The following NRXN3 variants were observed in gnomAD, a reference collection of about 807,000 sequenced individuals.
NRXN3 encodes the protein neurexin III.
Under a neutral mutation model 137.6 loss-of-function variants are expected in NRXN3, and 32 were observed. The ratio of observed to expected loss-of-function variants is 0.23; its 90% CI spans 0.18 to 0.31. The LOEUF (loss-of-function observed/expected upper bound fraction) is 0.31. Ranked by LOEUF, NRXN3 falls within the 10% of genes least tolerant of loss-of-function variation. The pLI is 1.00. For missense variants in NRXN3, 1,574 were observed against 2,062.5 expected, an observed-to-expected ratio of 0.76 and a Z score of 4.59; for synonymous variants, 798 against 784.5, an observed-to-expected ratio of 1.02 and a Z score of -0.29.
At chr14:78,827,615 A>G (rs1438728335) in intron 10 of NRXN3, among the ~76,000 whole-genome samples, 4 of 152,260 alleles carry the variant, frequency 2.6e-5, no homozygotes, top group African/African-American at 9.6e-5. Flanking sequence ...CTGACAGGTC[A>G]TGCCATTTTC....
intron 15 of NRXN3, among the ~76,000 whole-genome samples, chr14:78,999,354 T>C (rs74334655): frequency 1.4e-3 from 216 of 152,310 alleles, no homozygotes; most frequent in African/African-American, 5.1e-3. Flanking sequence ...ACATGCTTAA[T>C]TTCATCAACT....
intron 4 of NRXN3, among the ~76,000 whole-genome samples, chr14:78,499,411 G>A (rs1122840): frequency 0.31 from 47,808 of 151,976 alleles, 8,665 homozygotes; most frequent in Admixed American, 0.39. Context: ...GCTGATAATC[G>A]GGGCCTCCCT....
intron 15 of NRXN3, among the ~76,000 whole-genome samples, chr14:79,335,932 A>G (rs1009690455): frequency 6.6e-6 from 1 of 151,898 alleles, no homozygotes; most frequent in African/African-American, 2.4e-5. Flanking sequence ...CATTATTTCT[A>G]CTCAAGTGGG....
chr14:78,217,022 C>A (rs1031194548), intron 1 of NRXN3, among the ~76,000 whole-genome samples: 1 of 152,200 alleles, frequency 6.6e-6, no homozygotes, highest in African/African-American at 2.4e-5. Context: ...TCTGTAAAGA[C>A]CCTATATTCA....
intron 16 of NRXN3, among the ~76,000 whole-genome samples, chr14:79,621,095 T>G (rs1353597930): frequency 6.6e-6 from 1 of 152,160 alleles, no homozygotes; most frequent in Non-Finnish European, 1.5e-5. Flanking sequence ...ACAAGTAATG[T>G]CAGCATTAGT....
At chr14:78,828,265 G>T (rs1321014410) in intron 10 of NRXN3, among the ~76,000 whole-genome samples, 1 of 152,198 alleles carries the variant, frequency 6.6e-6, no homozygotes, top group East Asian at 1.9e-4. Context: ...TGGAGAGAAT[G>T]TTGCTTCAAC....
At chr14:78,916,154 G>GT (rs770291821) in intron 10 of NRXN3, among the ~76,000 whole-genome samples, 2 of 152,162 alleles carry the variant, frequency 1.3e-5, no homozygotes, top group Admixed American at 1.3e-4. Context: ...AACTGGGACT[G>GT]TTTTTATCAC....
At chr14:79,130,233 C>G (rs1476624899) in intron 15 of NRXN3, among the ~76,000 whole-genome samples, 20 of 150,826 alleles carry the variant, frequency 1.3e-4, no homozygotes, top group African/African-American at 2.4e-4. Flanking sequence ...GATGTTAGCT[C>G]GTTATTTTGT....
intron 4 of NRXN3, among the ~76,000 whole-genome samples, chr14:78,440,656 G>C (rs899776816): frequency 1.3e-5 from 2 of 151,982 alleles, no homozygotes; most frequent in South Asian, 2.1e-4. Flanking sequence ...AACTATGTTC[G>C]TCCTGTAGGC....
At chr14:79,734,041 T>C (rs2098933540) in intron 19 of NRXN3, among the ~76,000 whole-genome samples, 1 of 152,196 alleles carries the variant, frequency 6.6e-6, no homozygotes, top group African/African-American at 2.4e-5. Flanking sequence ...GAGTCACTGA[T>C]GGTACCAATC....
chr14:79,178,284 A>G lies in NRXN3; in HGVS notation c.3262+190143A>G, dbSNP rs183939222. Among the ~76,000 whole-genome samples the G allele has an allele frequency of 4.5e-3, 678 of 152,326 alleles. 5 individuals are homozygous for G. Among genetic ancestry groups the G allele is most frequent in the Non-Finnish European group, 7.4e-3 (500 of 68,024 alleles). On this transcript the variant is annotated intron_variant, in intron 15 of 20. Coordinates refer to ENST00000335750, the MANE Select transcript of NRXN3 (RefSeq NM_001330195.2). ...TTTTTAAAAAAATTATGTAATGACC[A>G]TCTGTGGTTAAATGCTGAGCTCATT...
rs566889589 is a variant in NRXN3 at position 79,235,687 on chromosome 14, T to C, written c.3263-231534T>C. 3.9e-5 allele frequency among the ~76,000 whole-genome samples: 6 copies of C among 152,254 alleles called. No homozygotes were observed. The East Asian group carries it at 9.7e-4, about 25-fold the overall frequency. ...AAAATAATTATAGAAAGGAAAAGCA[T>C]AGATCAGGAGACAAGTAAAGACATA... is the stretch of plus-strand genomic sequence containing the variant. On this transcript the variant is annotated intron_variant, in intron 15 of 20. Coordinates refer to ENST00000335750, the MANE Select transcript of NRXN3 (RefSeq NM_001330195.2).
intron 1 of NRXN3, among the ~76,000 whole-genome samples, chr14:78,191,667 GC>G (rs2060744828): frequency 9.8e-5 from 15 of 152,312 alleles, no homozygotes; most frequent in Middle Eastern, 3.4e-3. Context: ...CATGTCTAGG[GC>G]TGGTGTGATG....
chr14:78,720,238 G>A (rs2098453408), intron 8 of NRXN3, among the ~76,000 whole-genome samples: 1 of 152,092 alleles, frequency 6.6e-6, no homozygotes, highest in Non-Finnish European at 1.5e-5. Flanking sequence ...AACTCTCCCT[G>A]AAATCTCAGA....
intron 15 of NRXN3, among the ~76,000 whole-genome samples, chr14:79,097,200 A>T (rs933484623): frequency 1.3e-5 from 2 of 152,144 alleles, no homozygotes; most frequent in African/African-American, 4.8e-5. Context: ...GGTCTTGTAG[A>T]AATGAAGCAT....
At chr14:78,875,512 A>T (rs2099112022) in intron 10 of NRXN3, among the ~76,000 whole-genome samples, 1 of 152,178 alleles carries the variant, frequency 6.6e-6, no homozygotes, top group Non-Finnish European at 1.5e-5. Context: ...TTTTTTCCAT[A>T]GGCTGTTAGA....
intron 6 of NRXN3, among the ~76,000 whole-genome samples, chr14:78,691,852 G>A (rs2152772680): frequency 6.6e-6 from 1 of 152,172 alleles, no homozygotes; most frequent in East Asian, 1.9e-4. Context: ...TCAGAAGAGA[G>A]TTGACTCATT....
At chr14:78,256,042 C>T (rs1054078558) in intron 2 of NRXN3, among the ~76,000 whole-genome samples, 9 of 152,166 alleles carry the variant, frequency 5.9e-5, no homozygotes, top group South Asian at 2.1e-4. Context: ...ATACACATTC[C>T]GCTTGGTTTG....
chr14:79,281,934 A>G (rs925159545), intron 15 of NRXN3: 2 of 152,240 alleles, frequency 1.3e-5, no homozygotes, highest in Admixed American at 1.3e-4. Context: ...AGAAAATGCC[A>G]GCACATACTC....
Sources: allele counts gnomAD v4.1 joint callset (sites outside exome capture counted in the v4.1 genomes callset), GRCh38; gene constraint gnomAD v4.1.1; transcripts MANE v1.5; gene names NCBI Gene and HGNC (gene_info 2026-07-23, HGNC 2026-07-21).